The following GALNTL6 variants were observed in gnomAD, a reference collection of about 807,000 sequenced individuals.
The protein encoded by GALNTL6 is polypeptide N-acetylgalactosaminyltransferase-like 6.
In GALNTL6, 46 loss-of-function variants were observed where a neutral mutation model predicts 73.7. The ratio of observed to expected loss-of-function variants is 0.62; its 90% confidence interval spans 0.49 to 0.80. The LOEUF is 0.80. GALNTL6 is among the 30% of genes least tolerant of loss of function. The probability of loss-of-function intolerance (pLI) is 0.00; values close to 1 mark genes in which losing one functional copy is unlikely to be tolerated. For missense variants in GALNTL6, 604 were observed against 755.0 expected, an observed-to-expected ratio of 0.80 and a Z score of 2.34; for synonymous variants, 259 against 263.7, an observed-to-expected ratio of 0.98 and a Z score of 0.17.
intron 3 of GALNTL6, among the ~76,000 whole-genome samples, chr4:172,275,709 G>A (rs1424753092): frequency 1.3e-5 from 2 of 152,218 alleles, no homozygotes; most frequent in Non-Finnish European, 2.9e-5. Flanking sequence ...TGTAATCCCA[G>A]CACTTTGGGA....
intron 8 of GALNTL6, among the ~76,000 whole-genome samples, chr4:172,915,808 A>C (rs1747473058): frequency 1.3e-5 from 2 of 152,338 alleles, no homozygotes; most frequent in South Asian, 4.1e-4. Context: ...GCCGAATTCT[A>C]CCAGAGGTAC....
chr4:172,425,067 ATATAC>A (rs1223494865), intron 5 of GALNTL6, among the ~76,000 whole-genome samples: 1 of 152,138 alleles, frequency 6.6e-6, no homozygotes, highest in Non-Finnish European at 1.5e-5. Flanking sequence ...GAATTTATGC[ATATAC>A]TACAGATGAA....
At chr4:172,181,717 C>CT (rs751155404) in intron 2 of GALNTL6, among the ~76,000 whole-genome samples, 1,829 of 135,118 alleles carry the variant, frequency 0.014, 42 homozygotes, top group African/African-American at 0.04. Flanking sequence ...CCCAAATCTT[C>CT]TTTTTTTTTT....
chr4:172,704,037 A>G (rs1734183090), intron 5 of GALNTL6, among the ~76,000 whole-genome samples: 1 of 151,804 alleles, frequency 6.6e-6, no homozygotes, highest in Admixed American at 6.6e-5. Context: ...TATCTGTTGT[A>G]ATGTCACCTT....
In GALNTL6 at chr4:172,131,249, A is replaced by G. The variant is rs944428181; in HGVS notation, c.139-98407A>G. Among the ~76,000 whole-genome samples the G allele has an allele frequency of 2.4e-4, 36 of 151,502 alleles. 1 individual carries two copies. Among genetic ancestry groups the G allele is most frequent in the Non-Finnish European group, 4.1e-4 (28 of 67,760 alleles). On this transcript the variant is annotated intron_variant, in intron 2 of 12. Coordinates refer to ENST00000506823, the MANE Select transcript of GALNTL6 (RefSeq NM_001034845.3). ...GGGCATCATTTAAAACAAATACGAAATCTCTTCCTTTTTGTAAATAATTAT... is the reference window on the plus strand; with the variant it reads ...GGGCATCATTTAAAACAAATACGAAGTCTCTTCCTTTTTGTAAATAATTAT...
intron 5 of GALNTL6, among the ~76,000 whole-genome samples, chr4:172,780,903 C>T (rs1001497766): frequency 1.3e-5 from 2 of 152,200 alleles, no homozygotes; most frequent in Non-Finnish European, 2.9e-5. Context: ...GCTGCTCACA[C>T]GAGAGGACAG....
At chr4:172,042,191 C>A (rs1505485) in intron 2 of GALNTL6, among the ~76,000 whole-genome samples, 53,661 of 151,782 alleles carry the variant, frequency 0.35, 10,983 homozygotes, top group South Asian at 0.48. Context: ...ATAATAATAA[C>A]AAATTTTGCT....
rs534068721 is a variant in GALNTL6, at chr4:172,027,732, C to T, written c.139-201924C>T. On this transcript the variant is annotated intron_variant, in intron 2 of 12. Coordinates refer to ENST00000506823, the MANE Select transcript of GALNTL6 (RefSeq NM_001034845.3). The stretch of plus-strand genomic sequence containing the variant: ...GCTAGGTCTTCTGTGCCAAACAGCT[C>T]GACAAATAGTGAATGCAAAGGAAAA... 1.6e-4 allele frequency among the ~76,000 whole-genome samples: 24 copies of T among 152,088 alleles called. No individual in the cohort carries two copies. The South Asian group carries it at 4.4e-3, about 28-fold the overall frequency.
At chr4:172,991,402 TG>T (rs1359647180) in intron 10 of GALNTL6, among the ~76,000 whole-genome samples, 1 of 152,074 alleles carries the variant, frequency 6.6e-6, no homozygotes, top group Non-Finnish European at 1.5e-5. Context: ...TGTTTTTTTT[TG>T]TTTTTTTTGT....
chr4:172,198,162 G>A (rs1735835066), intron 2 of GALNTL6, among the ~76,000 whole-genome samples: 1 of 151,754 alleles, frequency 6.6e-6, no homozygotes, highest in Admixed American at 6.6e-5. Context: ...GAAAATTTAG[G>A]CAACGCCATT....
At chr4:171,846,744 G>A (rs1735381241) in intron 2 of GALNTL6, among the ~76,000 whole-genome samples, 1 of 147,994 alleles carries the variant, frequency 6.8e-6, no homozygotes, top group African/African-American at 2.5e-5. Flanking sequence ...ATATGGATAT[G>A]TATATTCACA....
chr4:173,024,765 G>A (rs1561093410), intron 12 of GALNTL6, among the ~76,000 whole-genome samples: 2 of 152,262 alleles, frequency 1.3e-5, no homozygotes, highest in East Asian at 1.9e-4. Flanking sequence ...TTTTAGTAGA[G>A]ACAGGGTTTC....
chr4:172,476,293 A>G (rs759427144), intron 5 of GALNTL6, among the ~76,000 whole-genome samples: 45 of 152,322 alleles, frequency 3.0e-4, no homozygotes, highest in Non-Finnish European at 5.3e-4. Flanking sequence ...CAGTTTCCTG[A>G]GGCCTCTTTT....
chr4:171,932,512 G>A (rs1055794885), intron 2 of GALNTL6, among the ~76,000 whole-genome samples: 2 of 152,228 alleles, frequency 1.3e-5, no homozygotes, highest in African/African-American at 4.8e-5. Flanking sequence ...TTGGAGCCAG[G>A]TTGGAAGCAG....
At chr4:172,938,338 C>A (rs193179011) in intron 9 of GALNTL6, among the ~76,000 whole-genome samples, 1 of 152,202 alleles carries the variant, frequency 6.6e-6, no homozygotes, top group East Asian at 1.9e-4. Flanking sequence ...AAAGCCAGAC[C>A]ACCCCAAGTC....
intron 7 of GALNTL6, among the ~76,000 whole-genome samples, chr4:172,846,413 C>T (rs1002706391): frequency 2.0e-5 from 3 of 152,120 alleles, no homozygotes; most frequent in African/African-American, 4.8e-5. Flanking sequence ...ATAATCATCT[C>T]GTTATCTGTC....
At position 172,497,450 on chromosome 4, in the gene GALNTL6, T is replaced by G. The variant is rs370921919; in HGVS notation, c.553+148761T>G. ...TGGATCCACCCCTGTGGGAACTGAT[T>G]GAATGTGAAAAACAACAAAGCTTGA... is the stretch of plus-strand genomic sequence containing the variant. On this transcript the variant is annotated intron_variant, in intron 5 of 12. Transcript: ENST00000506823. Among the ~76,000 whole-genome samples the G allele has an allele frequency of 2.0e-5, 3 of 152,234 alleles. No individual in the cohort carries two copies. The South Asian group carries it at 6.2e-4, about 32-fold the overall frequency.
In GALNTL6 at chr4:172,504,619, T is replaced by TAA. The variant is rs1274413514; in HGVS notation, c.553+155946_553+155947dup. ...TGTTCTTTTTTAAAAGTAAATGCTC[T>TAA]AAAAAAAAAAAAAAAAAGAAGTAAT... On this transcript the variant is annotated intron_variant, in intron 5 of 12. Coordinates refer to ENST00000506823, the MANE Select transcript of GALNTL6 (RefSeq NM_001034845.3). Among the ~76,000 whole-genome samples, 18 of 34,268 alleles carry TAA rather than the reference T, an allele frequency of 5.3e-4. 7 individuals carry two copies. The highest frequency in any genetic ancestry group is 9.0e-4 in the African/African-American group (12 of 13,322). 22.5% of individuals were successfully genotyped at this position (34,268 alleles called of 152,430 possible).
intron 3 of GALNTL6, among the ~76,000 whole-genome samples, chr4:172,293,592 C>A (rs755056579): frequency 9.9e-5 from 15 of 152,056 alleles, no homozygotes; most frequent in Non-Finnish European, 2.2e-4. Context: ...CCAGCACTGA[C>A]CTCTGTTCTG....
Sources: gnomAD v4.1 joint callset for allele counts (sites outside exome capture counted in the v4.1 genomes callset) on GRCh38, gnomAD v4.1.1 for gene constraint, MANE v1.5 for transcripts, NCBI Gene and HGNC (gene_info 2026-07-23, HGNC 2026-07-21) for gene names.